SLC36A2: variants seen among roughly 807,000 people sequenced by gnomAD.
The protein encoded by SLC36A2 is proton-coupled amino acid transporter 2.
SLC36A2 carries 39 observed loss-of-function variants against 42.7 expected under a neutral mutation model. The ratio of observed to expected loss-of-function variants is 0.91; its 90% CI spans 0.71 to 1.19. SLC36A2 has a LOEUF of 1.19. SLC36A2 is among the 50% of genes most tolerant of loss of function. The pLI, the probability that SLC36A2 is intolerant of heterozygous loss-of-function variation, is 0.00. For synonymous variants in SLC36A2, 237 were observed against 240.8 expected (o/e 0.98, Z 0.15); for missense variants, 590 against 613.7 (o/e 0.96, Z 0.41).
chr5:151,329,702 A>G (rs1755944948), intron 7 of SLC36A2, among the ~76,000 whole-genome samples: 1 of 152,232 alleles, frequency 6.6e-6, no homozygotes, highest in African/African-American at 2.4e-5. Flanking sequence ...ATAACAGAAA[A>G]CAAACTCAGT....
chr5:151,327,022 T>C (rs1474036231), intron 7 of SLC36A2, among the ~76,000 whole-genome samples: 2 of 151,974 alleles, frequency 1.3e-5, no homozygotes, highest in Admixed American at 6.6e-5. Context: ...GCCATGTTGC[T>C]CACACTGGTC....
intron 9 of SLC36A2, among the ~76,000 whole-genome samples, chr5:151,318,481 T>A (rs1339901254): frequency 4.2e-5 from 6 of 141,718 alleles, no homozygotes; most frequent in African/African-American, 1.6e-4. Flanking sequence ...AAAATATATT[T>A]TATATATTTT....
At position 151,325,276 on chromosome 5, in the gene SLC36A2, A is replaced by G; in HGVS notation, c.1010+10T>C. The G allele has an allele frequency of 6.2e-7, 1 of 1,612,686 alleles. No individual in the cohort carries two copies. The highest frequency in any genetic ancestry group is 8.5e-7 in the Non-Finnish European group (1 of 1,179,412). On this transcript the variant is annotated intron_variant, in intron 8 of 9. Coordinates refer to ENST00000335244, the MANE Select transcript of SLC36A2 (RefSeq NM_181776.3). The stretch of plus-strand genomic sequence containing the variant: ...CTGAGTCCCCACCACCTGACAGCCC[A>G]TGAAGATACCAGCAGTTAGGCAGGT...
At chr5:151,325,101 G>A in intron 8 of SLC36A2, 185 bp downstream of exon 8, 1 of 713,232 alleles carries the variant, frequency 1.4e-6, no homozygotes, top group Non-Finnish European at 2.5e-6. Flanking sequence ...CAATTTGGGA[G>A]GCTGTTGTTG....
chr5:151,333,352 T>C, intron 6 of SLC36A2, 30 bp from the exon 7 acceptor site: 1 of 1,581,694 alleles, frequency 6.3e-7, no homozygotes, highest in Non-Finnish European at 8.7e-7. Context: ...TATGAGACAG[T>C]CACTCTTAAA....
chr5:151,332,063 C>G (rs1756012691), intron 7 of SLC36A2, among the ~76,000 whole-genome samples: 1 of 152,076 alleles, frequency 6.6e-6, no homozygotes, highest in Non-Finnish European at 1.5e-5. Context: ...GACGGGGTTT[C>G]ACTATGTTAG....
At position 151,316,708 on chromosome 5, in the gene SLC36A2, C is replaced by T; in HGVS notation, c.*109G>A. ...TGAGCTGAGATCGCATCATTGTACT[C>T]CAGTCTGGGCAACAAGACAGAAACT... On this transcript the variant is annotated 3_prime_UTR_variant, in exon 10 of 10. Coordinates refer to ENST00000335244, the MANE Select transcript of SLC36A2 (RefSeq NM_181776.3). 2.2e-6 allele frequency: 3 copies of T among 1,339,124 alleles called. No individual in the cohort carries two copies. Among genetic ancestry groups the T allele is most frequent in the Non-Finnish European group, 3.0e-6 (3 of 999,144 alleles). The allele number at this position is 1,339,124 out of a possible 1,614,324, so 83.0% of individuals were successfully genotyped here.
At chr5:151,340,448 G>A (rs929556249) in intron 4 of SLC36A2, among the ~76,000 whole-genome samples, 2 of 152,212 alleles carry the variant, frequency 1.3e-5, no homozygotes, top group East Asian at 3.8e-4. Context: ...AGTTGTAGTA[G>A]TGGATAAAGC....
At position 151,338,281 on chromosome 5, in the gene SLC36A2, T is replaced by C. The variant is rs571433447; in HGVS notation, c.525+779A>G. Among the ~76,000 whole-genome samples, 5 of 152,372 alleles carry C rather than the reference T, an allele frequency of 3.3e-5. No homozygotes were observed. In the South Asian group the frequency reaches 1.0e-3, roughly 32 times the overall value. ...TTAAACTTACTGATTAAGGATGGCC[T>C]CTGCTATTACCCATATTATTTTGCT... On this transcript the variant is annotated intron_variant, in intron 5 of 9. Transcript: ENST00000335244.
At chr5:151,328,410 C>T (rs773663863) in intron 7 of SLC36A2, among the ~76,000 whole-genome samples, 1 of 152,096 alleles carries the variant, frequency 6.6e-6, no homozygotes. Context: ...CAAGGGACAC[C>T]CAAATCTTAG....
At chr5:151,337,107 A>G (rs2127295563) in intron 5 of SLC36A2, among the ~76,000 whole-genome samples, 1 of 152,290 alleles carries the variant, frequency 6.6e-6, no homozygotes, top group East Asian at 1.9e-4. Context: ...AATAGCTGGA[A>G]CATTAGTTAC....
At chr5:151,326,582 C>T (rs246493) in intron 7 of SLC36A2, among the ~76,000 whole-genome samples, 86,303 of 151,856 alleles carry the variant, frequency 0.57, 25,036 homozygotes, top group East Asian at 0.86. Flanking sequence ...TAAGAGAATC[C>T]AAGTTGAGGC....
rs1306713050 is a variant in SLC36A2, at chr5:151,315,677, G to A, written c.*1140C>T. The A allele has an allele frequency of 2.0e-5, 3 of 152,122 alleles. No individual in the cohort carries two copies. Among genetic ancestry groups the A allele is most frequent in the Non-Finnish European group, 4.4e-5 (3 of 68,022 alleles). The allele number at this position is 152,122 out of a possible 1,614,324, so 9.4% of individuals were successfully genotyped here. On this transcript the variant is annotated 3_prime_UTR_variant, in exon 10 of 10. Transcript: ENST00000335244. ...CGACAAACAAGCAAAAAAATTTAAG[G>A]GATACAGATACAGACTTCATCTTTT...
intron 5 of SLC36A2, 37 bp from the exon 6 acceptor site, chr5:151,335,584 A>T: frequency 6.9e-7 from 1 of 1,442,350 alleles, no homozygotes; most frequent in South Asian, 1.1e-5. Context: ...GGGGGAGATG[A>T]TGAGTCTTCT....
chr5:151,339,026 C>A (rs1422456825), intron 5 of SLC36A2, 34 bp downstream of exon 5: 14 of 1,513,468 alleles, frequency 9.3e-6, no homozygotes, highest in Non-Finnish European at 1.3e-5. Context: ...CCTTGTCCAT[C>A]TTTTCCCCTC....
intron 3 of SLC36A2, 23 bp from the exon 4 acceptor site, chr5:151,343,006 G>C (rs757434270): frequency 6.3e-7 from 1 of 1,586,850 alleles, no homozygotes; most frequent in African/African-American, 1.3e-5. Context: ...GTGCATAAAC[G>C]GTTTCCAAGA....
chr5:151,317,331 A>G lies in SLC36A2; in HGVS notation c.1181-243T>C, dbSNP rs771593165. ...GCCGGGTGTGGTAGTGGGTGCCTAT[A>G]ATCTCAGCTACTCAGGAGGCTGAGG... On this transcript the variant is annotated intron_variant, in intron 9 of 9. Transcript: ENST00000335244. Among the ~76,000 whole-genome samples the G allele has an allele frequency of 1.3e-4, 20 of 152,132 alleles. 1 individual carries two copies. The South Asian group carries it at 4.2e-3, about 32-fold the overall frequency.
Position 151,335,413 on chromosome 5 carries a change from G to A in SLC36A2, c.660C>T (p.Asn220=). The change falls in exon 6 of 10, where the codon AAC becomes AAT. Residue 220 remains asparagine, a synonymous_variant. Transcript: ENST00000335244. ...TGGAGAAGATGGTCAAGATCCTGAG[G>A]TTCCGGATGAGGACCAGCAGCACCA... ...PFLVLLVLIR[N]LRILTIFSML... 1 of 1,614,102 alleles carries A rather than the reference G, an allele frequency of 6.2e-7. No individual in the cohort carries two copies. Among genetic ancestry groups the A allele is most frequent in the Non-Finnish European group, 8.5e-7 (1 of 1,180,016 alleles).
chr5:151,335,642 A>C, intron 5 of SLC36A2, 95 bp from the exon 6 acceptor site: 1 of 885,382 alleles, frequency 1.1e-6, no homozygotes. Context: ...ATTCCCTCAC[A>C]GTGAATGGGA....
Sources: allele counts gnomAD v4.1 joint callset (sites outside exome capture counted in the v4.1 genomes callset), GRCh38; gene constraint gnomAD v4.1.1; transcripts MANE v1.5; gene names NCBI Gene and HGNC (gene_info 2026-07-23, HGNC 2026-07-21).